LRRC4C: variants seen among roughly 807,000 people sequenced by gnomAD.
LRRC4C encodes the protein leucine rich repeat containing 4C.
Under a neutral mutation model 33.6 loss-of-function variants are expected in LRRC4C, and 5 were observed. The observed-to-expected ratio is 0.15, with a 90% confidence interval of 0.08 to 0.31. The LOEUF is 0.31. LRRC4C is among the 10% of genes least tolerant of loss of function. The pLI is 1.00. For synonymous variants in LRRC4C, 329 were observed against 302.0 expected, an observed-to-expected ratio of 1.09 and a Z score of -0.93; for missense variants, 560 against 796.7, an observed-to-expected ratio of 0.70 and a Z score of 3.58.
intron 5 of LRRC4C, among the ~76,000 whole-genome samples, chr11:40,193,187 C>T (rs768154838): frequency 5.9e-5 from 9 of 152,170 alleles, no homozygotes; most frequent in Non-Finnish European, 8.8e-5. Flanking sequence ...GGTCGATAGA[C>T]ACCTCATACA....
chr11:41,317,721 G>A (rs980110378), intron 1 of LRRC4C, among the ~76,000 whole-genome samples: 2 of 152,206 alleles, frequency 1.3e-5, no homozygotes, highest in East Asian at 1.9e-4. Flanking sequence ...TAACATAATA[G>A]ACAATGGTTT....
chr11:40,798,021 A>T (rs1178172218), intron 2 of LRRC4C, among the ~76,000 whole-genome samples: 1 of 152,218 alleles, frequency 6.6e-6, no homozygotes, highest in African/African-American at 2.4e-5. Flanking sequence ...GAGGTTGAAC[A>T]GTTATATTCC....
intron 1 of LRRC4C, among the ~76,000 whole-genome samples, chr11:41,180,529 C>T (rs905963307): frequency 6.6e-5 from 10 of 152,144 alleles, no homozygotes; most frequent in Non-Finnish European, 1.3e-4. Flanking sequence ...AGAGATCGTC[C>T]GCTTCCACTT....
intron 5 of LRRC4C, among the ~76,000 whole-genome samples, chr11:40,165,703 TG>T: frequency 6.6e-6 from 1 of 152,300 alleles, no homozygotes; most frequent in African/African-American, 2.4e-5. Flanking sequence ...CCCAGCTCTT[TG>T]GGAGGCCAAG....
At chr11:41,141,422 C>T (rs562344317) in intron 1 of LRRC4C, among the ~76,000 whole-genome samples, 2 of 152,206 alleles carry the variant, frequency 1.3e-5, no homozygotes, top group African/African-American at 4.8e-5. Flanking sequence ...AAAGTATTAA[C>T]TGAAACCTCT....
At chr11:40,965,713 G>A (rs1243353109) in intron 1 of LRRC4C, among the ~76,000 whole-genome samples, 1 of 152,160 alleles carries the variant, frequency 6.6e-6, no homozygotes, top group African/African-American at 2.4e-5. Context: ...GTTCTGTTCT[G>A]TTCCATTGGT....
At chr11:40,263,262 G>A (rs1384802242) in intron 4 of LRRC4C, among the ~76,000 whole-genome samples, 3 of 152,054 alleles carry the variant, frequency 2.0e-5, no homozygotes, top group African/African-American at 7.2e-5. Context: ...TGGGACATGG[G>A]ACCAGTGATT....
intron 1 of LRRC4C, among the ~76,000 whole-genome samples, chr11:41,176,233 G>T (rs1030501940): frequency 6.6e-6 from 1 of 152,020 alleles, no homozygotes; most frequent in Admixed American, 6.6e-5. Flanking sequence ...TTTAAAACCT[G>T]GTTCATTTTA....
intron 1 of LRRC4C, among the ~76,000 whole-genome samples, chr11:40,978,489 G>A (rs1314919442): frequency 6.6e-6 from 1 of 152,146 alleles, no homozygotes; most frequent in Non-Finnish European, 1.5e-5. Context: ...GTAGAGACCA[G>A]GGATATTGCT....
intron 1 of LRRC4C, among the ~76,000 whole-genome samples, chr11:41,451,355 T>C (rs1281332658): frequency 6.6e-6 from 1 of 151,956 alleles, no homozygotes; most frequent in Non-Finnish European, 1.5e-5. Flanking sequence ...CATACATAGA[T>C]ATAGATATAG....
chr11:41,234,607 G>A (rs1947939656), intron 1 of LRRC4C, among the ~76,000 whole-genome samples: 1 of 151,960 alleles, frequency 6.6e-6, no homozygotes, highest in African/African-American at 2.4e-5. Context: ...TTGATTTGGT[G>A]AATCTCTGGT....
chr11:40,373,534 T>C (rs1948542672), intron 3 of LRRC4C, among the ~76,000 whole-genome samples: 1 of 152,032 alleles, frequency 6.6e-6, no homozygotes, highest in East Asian at 1.9e-4. Context: ...TGAAAAAAAG[T>C]CCAAATAACC....
At chr11:40,848,398 A>G (rs1251501751) in intron 2 of LRRC4C, among the ~76,000 whole-genome samples, 1 of 151,792 alleles carries the variant, frequency 6.6e-6, no homozygotes, top group Non-Finnish European at 1.5e-5. Context: ...TCTTCCTTTC[A>G]TTATTTACCC....
chr11:41,032,652 T>C (rs570911659), intron 1 of LRRC4C, among the ~76,000 whole-genome samples: 1 of 152,044 alleles, frequency 6.6e-6, no homozygotes, highest in Non-Finnish European at 1.5e-5. Context: ...CTGTAGCCTG[T>C]GAAGGGAACC....
intron 4 of LRRC4C, among the ~76,000 whole-genome samples, chr11:40,255,824 G>T (rs2136215788): frequency 6.6e-6 from 1 of 152,274 alleles, no homozygotes; most frequent in Admixed American, 6.5e-5. Flanking sequence ...AAGGCCATTT[G>T]TTTGCCAACT....
At chr11:40,958,774 A>C (rs1269029591) in intron 1 of LRRC4C, among the ~76,000 whole-genome samples, 1 of 151,776 alleles carries the variant, frequency 6.6e-6, no homozygotes, top group Non-Finnish European at 1.5e-5. Context: ...GCTTTATAGA[A>C]TAGTTTGCAG....
rs1373719081 is a variant in LRRC4C, at chr11:41,323,750, G to A, written c.-496+135681C>T. ...TTACTATGGCTAGAACCTGGTGTAT[G>A]ACTCAAAAGAAAGATTTAAAAAGAA... is the stretch of plus-strand genomic sequence containing the variant. On this transcript the variant is annotated intron_variant, in intron 1 of 6. Transcript: ENST00000528697. 2.0e-5 allele frequency among the ~76,000 whole-genome samples: 3 copies of A among 152,160 alleles called. No individual in the cohort carries two copies. In the East Asian group the frequency reaches 5.8e-4, roughly 29 times the overall value.
intron 1 of LRRC4C, among the ~76,000 whole-genome samples, chr11:40,942,500 T>C (rs951405580): frequency 6.6e-6 from 1 of 152,136 alleles, no homozygotes; most frequent in African/African-American, 2.4e-5. Context: ...AGGCATGAAC[T>C]AATGTAGAAA....
chr11:40,499,799 C>T (rs1385579295), intron 3 of LRRC4C, among the ~76,000 whole-genome samples: 1 of 152,050 alleles, frequency 6.6e-6, no homozygotes, highest in Non-Finnish European at 1.5e-5. Flanking sequence ...TCAAGAGAAC[C>T]TCAACAAACA....
Sources: allele counts gnomAD v4.1 joint callset (sites outside exome capture counted in the v4.1 genomes callset), GRCh38; gene constraint gnomAD v4.1.1; transcripts MANE v1.5; gene names NCBI Gene and HGNC (gene_info 2026-07-23, HGNC 2026-07-21).